The following COL9A3 variants were observed in gnomAD, a reference collection of about 807,000 sequenced individuals.
The protein encoded by COL9A3 is collagen type IX alpha 3 chain.
In COL9A3, 82 loss-of-function variants were observed where a neutral mutation model predicts 110.2. The ratio of observed to expected loss-of-function variants is 0.74; its 90% CI spans 0.62 to 0.89. The LOEUF is 0.89. COL9A3 is among the 40% of genes least tolerant of loss of function. The pLI is 0.00. For synonymous variants in COL9A3, 494 were observed against 403.8 expected, an observed-to-expected ratio of 1.22 and a Z score of -2.68; for missense variants, 1,066 against 981.3, an observed-to-expected ratio of 1.09 and a Z score of -1.15.
In COL9A3 at chr20:62,837,090, T is replaced by C. The variant is rs1332183825; in HGVS notation, c.1611T>C (p.Ile537=). 1 of 1,613,292 alleles carries C rather than the reference T, an allele frequency of 6.2e-7. No individual in the cohort carries two copies. The highest frequency in any genetic ancestry group is 8.5e-7 in the Non-Finnish European group (1 of 1,180,016). Residue 537 remains isoleucine, a synonymous_variant, in exon 30 of 32, where the codon ATT becomes ATC. Transcript: ENST00000649368. ...ACCCTTGTTTTCCCAAAGAACAAAT[T>C]GCACAGTTAGCCGCGCACCTAAGGA... The part of the protein sequence containing the change: ...ELCGGMISEQ[I]AQLAAHLRKP...
At chr20:62,825,155 GGGAGGGGCTGGGCTCCGGCGGGA>G in intron 12 of COL9A3, 134 bp downstream of exon 12, 1 of 232,692 alleles carries the variant, frequency 4.3e-6, no homozygotes, top group South Asian at 4.0e-5. Context: ...TCCGGCGGGA[GGGAGGGGCTGGGCTCCGGCGGGA>G]GGGAGGGGCT....
chr20:62,836,300 TGTTCCTGGCATCACGGGGAAGCCGGGA>T lies in COL9A3; in HGVS notation c.1521_1547del (p.Ile509_Gly517del), dbSNP rs750587189. ...CTCTGGGCCTGCAGGGCGTCCCGGG[TGTTCCTGGCATCACGGGGAAGCCGGGA>T]GTTCCGGTACGTCGCTTTTCCGGCT... On this transcript the variant is annotated inframe_deletion, in exon 28 of 32. Coordinates refer to ENST00000649368, the MANE Select transcript of COL9A3 (RefSeq NM_001853.4). 7 of 1,613,718 alleles carry T rather than the reference TGTTCCTGGCATCACGGGGAAGCCGGGA, an allele frequency of 4.3e-6. No individual in the cohort carries two copies. In the African/African-American group the frequency reaches 5.3e-5, roughly 12 times the overall value.
upstream of COL9A3, chr20:62,817,028 G>C: frequency 4.2e-6 from 5 of 1,184,494 alleles, no homozygotes; most frequent in South Asian, 1.5e-4. Context: ...CCCGCGCGCC[G>C]CCCGCCCCGA....
At chr20:62,836,671 T>G in intron 29 of COL9A3, 139 bp downstream of exon 29, 1 of 930,320 alleles carries the variant, frequency 1.1e-6, no homozygotes, top group Non-Finnish European at 1.6e-6. Context: ...CTGTTAGCCC[T>G]TGGGGGTCCA....
intron 4 of COL9A3, 43 bp downstream of exon 4, chr20:62,819,336 C>A (rs112298815): frequency 1.3e-6 from 2 of 1,572,956 alleles, no homozygotes; most frequent in African/African-American, 2.7e-5. Context: ...ACTCCCCGCT[C>A]CGGGTCCCTG....
rs778374441 is a variant in COL9A3 at position 62,826,236 on chromosome 20, A to G, written c.717A>G (p.Pro239=). The change falls in exon 14 of 32, where the codon CCA becomes CCG. Residue 239 remains proline, a synonymous_variant. Coordinates refer to ENST00000649368, the MANE Select transcript of COL9A3 (RefSeq NM_001853.4). ...GPRGLRGLPG[P]LGPPGDRGPI... ...GGGGATTACGAGGACTGCCAGGGCC[A>G]CTCGGGCCCCCTGGGGACCGGGTAA... is the stretch of plus-strand genomic sequence containing the variant. 7 of 1,558,654 alleles carry G rather than the reference A, an allele frequency of 4.5e-6. No homozygotes were observed. Among genetic ancestry groups the G allele is most frequent in the South Asian group, 3.5e-5 (3 of 84,782 alleles).
chr20:62,832,908 G>GACCTTAAGATGAACATTACACCT (rs2063607743), intron 25 of COL9A3, 112 bp from the exon 26 acceptor site: 2 of 1,056,060 alleles, frequency 1.9e-6, no homozygotes, highest in South Asian at 2.5e-5. Context: ...TTTTGGCCTC[G>GACCTTAAGATGAACATTACACCT]ACCTTAAGAT....
In COL9A3 at chr20:62,822,618, G is replaced by A. The variant is rs948698664; in HGVS notation, c.505G>A (p.Ala169Thr). 1.4e-5 allele frequency: 22 copies of A among 1,612,346 alleles called. No individual in the cohort carries two copies. The highest frequency in any genetic ancestry group is 9.3e-5 in the African/African-American group (7 of 74,896). The change falls in exon 10 of 32, where the codon GCT (alanine) becomes ACT (threonine). Residue 169 changes from alanine (A) to threonine (T), a missense_variant. Coordinates refer to ENST00000649368, the MANE Select transcript of COL9A3 (RefSeq NM_001853.4). ...ACACCCAGGAGTCCTCCCTGAAGGC[G>A]CTACTGACCTTCAGGTAGGCACTTG... ...PGHPGVLPEG[A>T]TDLQCPSICP...
rs372820819 is a variant in COL9A3, at chr20:62,837,129, C to T, written c.1650C>T (p.Pro550=). The T allele has an allele frequency of 3.3e-5, 53 of 1,613,470 alleles. No individual in the cohort carries two copies. The highest frequency in any genetic ancestry group is 1.7e-4 in the African/African-American group (13 of 75,058). Residue 550 remains proline (P), a synonymous_variant, in exon 30 of 32, where the codon CCC becomes CCT. Transcript: ENST00000649368. ...LAAHLRKPLA[P]GSIGRPGPAG... ...CGCACCTAAGGAAGCCTTTGGCACC[C>T]GGGTCCATTGGTCGGCCCGGTCCAG...
chr20:62,827,730 G>A (rs1260122276), intron 16 of COL9A3, among the ~76,000 whole-genome samples, 193 bp from the exon 17 acceptor site: 3 of 152,216 alleles, frequency 2.0e-5, no homozygotes, highest in East Asian at 1.9e-4. Flanking sequence ...GGGAGCCGCC[G>A]TGCCGTCCTG....
At chr20:62,829,410 G>A (rs777172533) in intron 19 of COL9A3, 45 bp from the exon 20 acceptor site, 194 of 1,611,700 alleles carry the variant, frequency 1.2e-4, no homozygotes, top group Non-Finnish European at 1.6e-4. Context: ...TGCTGCCGGC[G>A]TGCAATGTAA....
chr20:62,829,911 TTGCCTTGATG>T, intron 22 of COL9A3, 92 bp downstream of exon 22: 1 of 1,464,752 alleles, frequency 6.8e-7, no homozygotes, highest in Non-Finnish European at 9.2e-7. Flanking sequence ...TGGCATTTGG[TTGCCTTGATG>T]GGCCAGGCCC....
intron 1 of COL9A3, 198 bp downstream of exon 1, chr20:62,817,340 G>GC (rs1169623532): frequency 2.0e-6 from 1 of 492,270 alleles, no homozygotes; most frequent in African/African-American, 2.1e-5. Flanking sequence ...GGGTCGGCCG[G>GC]CGCCGCCGCC....
At chr20:62,826,548 A>G (rs2063554696) in intron 14 of COL9A3, among the ~76,000 whole-genome samples, 2 of 151,994 alleles carry the variant, frequency 1.3e-5, no homozygotes, top group South Asian at 2.1e-4. Context: ...GCTGACACCC[A>G]CACACACGGT....
In COL9A3 at chr20:62,817,139, G is replaced by A. The variant is rs1478516574; in HGVS notation, c.75G>A (p.Ala25=). 3 of 1,394,176 alleles carry A rather than the reference G, an allele frequency of 2.2e-6. No individual in the cohort carries two copies. Among genetic ancestry groups the A allele is most frequent in the East Asian group, 3.3e-5 (1 of 29,868 alleles). 86.4% of individuals were successfully genotyped at this position (1,394,176 alleles called of 1,614,324 possible). Residue 25 remains alanine, a synonymous_variant, in exon 1 of 32, where the codon GCG becomes GCA. Coordinates refer to ENST00000649368, the MANE Select transcript of COL9A3 (RefSeq NM_001853.4). The stretch of plus-strand genomic sequence containing the variant: ...GGGAGCTTCTGGCGGCCGCCGGGGC[G>A]CAGGTGAGCGCGAGCTCCGGGCTCT... The part of the protein sequence containing the change: ...LLGELLAAAG[A]QRVGLPGPPG...
chr20:62,821,569 C>T, intron 7 of COL9A3, 39 bp downstream of exon 7: 1 of 1,612,622 alleles, frequency 6.2e-7, no homozygotes, highest in South Asian at 1.1e-5. Flanking sequence ...AGCAAGCACG[C>T]AAGTCCCGAG....
At chr20:62,830,969 G>A (rs6062701) in intron 24 of COL9A3, among the ~76,000 whole-genome samples, 9 of 151,560 alleles carry the variant, frequency 5.9e-5, no homozygotes, top group African/African-American at 1.9e-4. Flanking sequence ...GGGAGGCTGC[G>A]GGAGCCTGGG....
chr20:62,829,789 G>C lies in COL9A3; in HGVS notation c.1131G>C (p.Glu377Asp), dbSNP rs754277509. 2 of 1,585,328 alleles carry C rather than the reference G, an allele frequency of 1.3e-6. No homozygotes were observed. Among genetic ancestry groups the C allele is most frequent in the East Asian group, 2.3e-5 (1 of 43,688 alleles). ...GVPGDAGMPG[E>D]RGEAGHRGSA... ...AGGGAGATGCTGGCATGCCTGGGGA[G>C]CGCGGTGAGGCTGGCCACCGGGGCT... The change falls in exon 22 of 32, where the codon GAG becomes GAC. Residue 377 changes from glutamate to aspartate, a missense_variant. Glu to Asp is a conservative substitution (Grantham distance 45, BLOSUM62 2). Transcript: ENST00000649368.
chr20:62,826,670 A>G, intron 14 of COL9A3, 97 bp from the exon 15 acceptor site: 1 of 1,332,092 alleles, frequency 7.5e-7, no homozygotes, highest in Non-Finnish European at 1.1e-6. Flanking sequence ...CCCTAGAGGA[A>G]GGGCTGCTTG....
Sources: allele counts gnomAD v4.1 joint callset (sites outside exome capture counted in the v4.1 genomes callset), GRCh38; gene constraint gnomAD v4.1.1; transcripts MANE v1.5; gene names NCBI Gene and HGNC (gene_info 2026-07-23, HGNC 2026-07-21).